The following PRIM2 variants were observed in gnomAD, a reference collection of about 807,000 sequenced individuals.
The protein encoded by PRIM2 is DNA primase large subunit.
A neutral mutation model predicts 67.3 loss-of-function variants in PRIM2; 39 were observed. The observed-to-expected ratio is 0.58, with a 90% CI of 0.45 to 0.76. PRIM2 has a LOEUF of 0.76. Among genes scored for constraint, PRIM2 ranks in the 30% least tolerant of loss-of-function variants. The pLI, the probability that PRIM2 is intolerant of heterozygous loss-of-function variation, is 0.00. For missense variants in PRIM2, 398 were observed against 598.7 expected, an observed-to-expected ratio of 0.66 and a Z score of 3.50; for synonymous variants, 143 against 198.7, an observed-to-expected ratio of 0.72 and a Z score of 2.36.
intron 7 of PRIM2, among the ~76,000 whole-genome samples, chr6:57,488,872 A>T (rs1773813374): frequency 6.6e-6 from 1 of 152,140 alleles, no homozygotes; most frequent in Non-Finnish European, 1.5e-5. Flanking sequence ...CAGATGAACA[A>T]CCCTGTTCTC....
intron 7 of PRIM2, among the ~76,000 whole-genome samples, chr6:57,402,946 T>C (rs993879687): frequency 6.6e-6 from 1 of 152,152 alleles, no homozygotes. Context: ...TTGTTGGAGA[T>C]GTGTTTTAGC....
chr6:57,562,128 C>T (rs1775644157), intron 10 of PRIM2, among the ~76,000 whole-genome samples: 1 of 151,976 alleles, frequency 6.6e-6, no homozygotes, highest in Non-Finnish European at 1.5e-5. Flanking sequence ...CAAAACAATT[C>T]CATTAGTAAC....
chr6:57,405,891 C>T (rs1262282301), intron 7 of PRIM2, among the ~76,000 whole-genome samples: 1 of 152,186 alleles, frequency 6.6e-6, no homozygotes, highest in Non-Finnish European at 1.5e-5. Context: ...TAGAAACCTG[C>T]CTTCATCATC....
At chr6:57,287,385 T>C in the PRIM2 span, among the ~76,000 whole-genome samples, 4 of 152,068 alleles carry the variant, frequency 2.6e-5, no homozygotes, top group Admixed American at 6.5e-5. Flanking sequence ...ACAGAGTGGA[T>C]AAAGAAAATG....
intron 5 of PRIM2, among the ~76,000 whole-genome samples, chr6:57,371,455 A>G (rs1769555632): frequency 6.6e-6 from 1 of 152,172 alleles, no homozygotes; most frequent in East Asian, 1.9e-4. Context: ...CAAAGATACT[A>G]GTTTCTTTAT....
intron 7 of PRIM2, among the ~76,000 whole-genome samples, chr6:57,480,507 TATC>T (rs1270784726): frequency 1.6e-4 from 25 of 152,222 alleles, no homozygotes; most frequent in Admixed American, 9.8e-4. Context: ...TATGGAATTT[TATC>T]ATATTTATGG....
At chr6:57,625,668 AG>A (rs1776937925) in intron 12 of PRIM2, among the ~76,000 whole-genome samples, 1 of 152,248 alleles carries the variant, frequency 6.6e-6, no homozygotes, top group Non-Finnish European at 1.5e-5. Flanking sequence ...AGAATGATGA[AG>A]GCTTCAAAAA....
In PRIM2 at chr6:57,483,188, A is replaced by C. The variant is rs1283450837; in HGVS notation, c.694-24199A>C. Among the ~76,000 whole-genome samples the C allele has an allele frequency of 1.1e-3, 167 of 152,268 alleles. 1 individual carries two copies. Among genetic ancestry groups the C allele is most frequent in the Non-Finnish European group, 2.1e-3 (142 of 68,014 alleles). The stretch of plus-strand genomic sequence containing the variant: ...CTCCCAAAGTGCTGGGATTACAGGC[A>C]TGAGCCACTGCGCCCGGATGATTTT... On this transcript the variant is annotated intron_variant, in intron 7 of 13. Transcript: ENST00000615550.
At chr6:57,417,480 A>G (rs1771304503) in intron 7 of PRIM2, among the ~76,000 whole-genome samples, 1 of 152,278 alleles carries the variant, frequency 6.6e-6, no homozygotes, top group South Asian at 2.1e-4. Context: ...TCACGTCAAT[A>G]CTTAAAGGCC....
At chr6:57,507,269 C>T (rs1289390885) in intron 7 of PRIM2, 118 bp from the exon 8 acceptor site, 2 of 823,474 alleles carry the variant, frequency 2.4e-6, no homozygotes, top group South Asian at 2.2e-5. Context: ...AGAAATAGAA[C>T]CTTATATTTT....
the PRIM2 span, among the ~76,000 whole-genome samples, chr6:57,249,020 C>T: frequency 1.3e-5 from 2 of 152,200 alleles, no homozygotes; most frequent in Non-Finnish European, 2.9e-5. Context: ...CATTGCTCCA[C>T]TTTGGAAACC....
At chr6:57,593,344 C>T (rs1371307652) in intron 10 of PRIM2, among the ~76,000 whole-genome samples, 6 of 151,818 alleles carry the variant, frequency 4.0e-5, no homozygotes, top group Non-Finnish European at 7.4e-5. Flanking sequence ...CTTTTGTCAC[C>T]CAGGCTGGAG....
chr6:57,569,446 G>A (rs1212156147), intron 10 of PRIM2, among the ~76,000 whole-genome samples: 2 of 152,034 alleles, frequency 1.3e-5, no homozygotes, highest in Non-Finnish European at 2.9e-5. Context: ...TTAAGTAATT[G>A]GATTAGTTAA....
intron 13 of PRIM2, among the ~76,000 whole-genome samples, chr6:57,639,662 C>T (rs1316143180): frequency 1.5e-5 from 2 of 131,630 alleles, no homozygotes; most frequent in Non-Finnish European, 3.2e-5. Context: ...TGGACACATA[C>T]ACCCTCCCAA....
chr6:57,424,042 G>A (rs1351824235), intron 7 of PRIM2, among the ~76,000 whole-genome samples: 1 of 152,164 alleles, frequency 6.6e-6, no homozygotes, highest in East Asian at 1.9e-4. Flanking sequence ...GATGCCAGTG[G>A]TGGGTAGATA....
chr6:57,268,796 A>G, the PRIM2 span, among the ~76,000 whole-genome samples: 1 of 77,092 alleles, frequency 1.3e-5, no homozygotes, highest in Non-Finnish European at 2.3e-5. Context: ...CCCCCACCCC[A>G]CAACAGTCCC....
At chr6:57,381,398 T>G (rs1769956058) in intron 6 of PRIM2, among the ~76,000 whole-genome samples, 1 of 152,230 alleles carries the variant, frequency 6.6e-6, no homozygotes, top group South Asian at 2.1e-4. Context: ...TTTTACAGTT[T>G]ACTAATATCA....
intron 7 of PRIM2, among the ~76,000 whole-genome samples, chr6:57,458,286 C>CGTATCACCTTG (rs1362221476): frequency 3.9e-5 from 6 of 152,130 alleles, no homozygotes; most frequent in African/African-American, 1.4e-4. Context: ...TCAAAAGTTA[C>CGTATCACCTTG]GTATCACCTT....
chr6:57,389,781 G>A (rs1389559278), intron 7 of PRIM2, among the ~76,000 whole-genome samples: 1 of 152,002 alleles, frequency 6.6e-6, no homozygotes, highest in African/African-American at 2.4e-5. Flanking sequence ...TTTAAAAGTA[G>A]TGTTCAATTT....
Sources: allele counts gnomAD v4.1 joint callset (sites outside exome capture counted in the v4.1 genomes callset), GRCh38; gene constraint gnomAD v4.1.1; transcripts MANE v1.5; gene names NCBI Gene and HGNC (gene_info 2026-07-23, HGNC 2026-07-21).